Variants in FGGY observed in about 807,000 individuals in gnomAD.
FGGY encodes the protein FGGY carbohydrate kinase domain containing.
Under a neutral mutation model 71.3 loss-of-function variants are expected in FGGY, and 72 were observed. That is an observed-to-expected ratio of 1.01 (90% CI 0.84 to 1.23). The LOEUF (loss-of-function observed/expected upper bound fraction) is 1.23. Among genes scored for constraint, FGGY ranks in the 50% most tolerant of loss-of-function variants. The pLI, the probability that FGGY is intolerant of heterozygous loss-of-function variation, is 0.00. For missense variants in FGGY, 668 were observed against 682.3 expected (o/e 0.98, Z 0.23); for synonymous variants, 251 against 250.3 (o/e 1.00, Z -0.02).
chr1:59,609,417 A>G (rs2096653719), intron 9 of FGGY, among the ~76,000 whole-genome samples: 1 of 152,246 alleles, frequency 6.6e-6, no homozygotes, highest in South Asian at 2.1e-4. Context: ...CTGAGGACAC[A>G]TGGCCAGAGG....
chr1:59,701,243 G>A (rs924299219), intron 14 of FGGY, among the ~76,000 whole-genome samples: 8 of 152,146 alleles, frequency 5.3e-5, no homozygotes, highest in African/African-American at 1.9e-4. Flanking sequence ...ATGAACATAA[G>A]GCAGAAGTGG....
chr1:59,406,421 T>C (rs1332724967), intron 5 of FGGY, among the ~76,000 whole-genome samples: 3 of 152,126 alleles, frequency 2.0e-5, no homozygotes, highest in African/African-American at 7.2e-5. Context: ...CCCCAAGCAT[T>C]GTGCAAAAGT....
chr1:59,682,145 A>G (rs912597208), intron 14 of FGGY, among the ~76,000 whole-genome samples: 1 of 152,186 alleles, frequency 6.6e-6, no homozygotes, highest in Non-Finnish European at 1.5e-5. Flanking sequence ...ACAAATGAGG[A>G]AACAGGGTTA....
chr1:59,417,733 A>G (rs1271173799), intron 5 of FGGY, among the ~76,000 whole-genome samples: 1 of 152,184 alleles, frequency 6.6e-6, no homozygotes, highest in Non-Finnish European at 1.5e-5. Context: ...CCTATTTTCC[A>G]TTTGTATATA....
chr1:59,443,609 A>G (rs1038524130), intron 5 of FGGY, among the ~76,000 whole-genome samples: 1 of 152,244 alleles, frequency 6.6e-6, no homozygotes, highest in Non-Finnish European at 1.5e-5. Context: ...AGACTGAAGA[A>G]TGTTGGAAGA....
chr1:59,576,673 G>GACACAC lies in FGGY; in HGVS notation c.903+22449_903+22450insCACACA, dbSNP rs757918588. Among the ~76,000 whole-genome samples, 747 of 132,306 alleles carry GACACAC rather than the reference G, an allele frequency of 5.6e-3. 3 individuals are homozygous for GACACAC. Among genetic ancestry groups the GACACAC allele is most frequent in the Non-Finnish European group, 5.5e-3 (338 of 61,358 alleles). 86.8% of individuals were successfully genotyped at this position (132,306 alleles called of 152,430 possible). On this transcript the variant is annotated intron_variant, in intron 8 of 15. Transcript: ENST00000303721. ...GAGATTACAGACAGACAGACAGACA[G>GACACAC]ACAGACACACACACACACACACACA...
chr1:59,661,394 A>G (rs1439961884), intron 12 of FGGY, among the ~76,000 whole-genome samples: 6 of 152,224 alleles, frequency 3.9e-5, no homozygotes, highest in Non-Finnish European at 8.8e-5. Flanking sequence ...GTATGGAATC[A>G]GTCAACTTGA....
At chr1:59,698,648 C>A (rs2097684460) in intron 14 of FGGY, 1 of 616,684 alleles carries the variant, frequency 1.6e-6, no homozygotes, top group Non-Finnish European at 2.0e-6. Flanking sequence ...TTTTTTCTTG[C>A]TTCTGACCCA....
rs74086270 is a variant in FGGY at position 59,646,452 on chromosome 1, C to T, written c.1221+8077C>T. Among the ~76,000 whole-genome samples the T allele has an allele frequency of 3.5e-3, 534 of 150,668 alleles. 4 individuals are homozygous for T. The highest frequency in any genetic ancestry group is 0.012 in the African/African-American group (510 of 41,222). On this transcript the variant is annotated intron_variant, in intron 11 of 15. Coordinates refer to ENST00000303721, the MANE Select transcript of FGGY (RefSeq NM_018291.5). The stretch of plus-strand genomic sequence containing the variant: ...AAATTGGTGTTTTCCAAATTGGTCA[C>T]AAATTTTACTGAATATATATATATG...
At position 59,358,430 on chromosome 1, in the gene FGGY, T is replaced by C. The variant is rs1209900300; in HGVS notation, c.465+12032T>C. 4.6e-5 allele frequency among the ~76,000 whole-genome samples: 7 copies of C among 152,252 alleles called. No individual in the cohort carries two copies. In the East Asian group the frequency reaches 1.2e-3, roughly 25 times the overall value. On this transcript the variant is annotated intron_variant, in intron 4 of 15. Coordinates refer to ENST00000303721, the MANE Select transcript of FGGY (RefSeq NM_018291.5). ...AGGAGGAAGCCAAGCTCACCCTTTATCTCAAGGAATTCCCATATCTAGTAC... is the reference window on the plus strand; with the variant it reads ...AGGAGGAAGCCAAGCTCACCCTTTACCTCAAGGAATTCCCATATCTAGTAC...
At chr1:59,348,600 C>A (rs1057279794) in intron 4 of FGGY, among the ~76,000 whole-genome samples, 2 of 152,108 alleles carry the variant, frequency 1.3e-5, no homozygotes, top group African/African-American at 4.8e-5. Context: ...GATTCATTTA[C>A]TGGCTCTGAG....
chr1:59,631,815 G>A (rs938222963), intron 10 of FGGY, among the ~76,000 whole-genome samples: 4 of 152,178 alleles, frequency 2.6e-5, no homozygotes, highest in East Asian at 1.9e-4. Flanking sequence ...GGATGTGCCC[G>A]TACATGTAAC....
At chr1:59,415,523 A>G (rs1350326850) in intron 5 of FGGY, among the ~76,000 whole-genome samples, 1 of 152,206 alleles carries the variant, frequency 6.6e-6, no homozygotes, top group Non-Finnish European at 1.5e-5. Context: ...TTGACTATGG[A>G]CAGACTAGAG....
intron 2 of FGGY, among the ~76,000 whole-genome samples, chr1:59,324,181 C>G (rs571141130): frequency 6.6e-6 from 1 of 150,878 alleles, no homozygotes; most frequent in South Asian, 2.1e-4. Flanking sequence ...ATGACAAAGA[C>G]AGCTAACAGT....
At chr1:59,596,447 C>CT (rs796745491) in intron 8 of FGGY, among the ~76,000 whole-genome samples, 20 of 135,292 alleles carry the variant, frequency 1.5e-4, no homozygotes, top group South Asian at 2.4e-4. Context: ...TTATTTCAAT[C>CT]TTTTTTTTTT....
At chr1:59,406,754 C>A (rs1012385771) in intron 5 of FGGY, among the ~76,000 whole-genome samples, 2 of 152,208 alleles carry the variant, frequency 1.3e-5, no homozygotes, top group African/African-American at 4.8e-5. Context: ...AGCCATGTAT[C>A]TTTCTCCTTT....
chr1:59,466,392 C>A (rs1458050327), intron 6 of FGGY, among the ~76,000 whole-genome samples: 1 of 151,954 alleles, frequency 6.6e-6, no homozygotes, highest in Non-Finnish European at 1.5e-5. Flanking sequence ...GACCTAAAAC[C>A]ATAAAAACCC....
intron 7 of FGGY, among the ~76,000 whole-genome samples, chr1:59,530,350 T>G (rs1166554318): frequency 6.6e-6 from 1 of 152,204 alleles, no homozygotes; most frequent in Non-Finnish European, 1.5e-5. Flanking sequence ...TCTCCTAGCT[T>G]CAACCAACAG....
intron 7 of FGGY, among the ~76,000 whole-genome samples, chr1:59,551,044 C>A (rs2095600513): frequency 6.6e-6 from 1 of 152,122 alleles, no homozygotes; most frequent in Admixed American, 6.5e-5. Flanking sequence ...GATATGTTTA[C>A]TAGAAAGGAA....
Sources: allele counts gnomAD v4.1 joint callset (sites outside exome capture counted in the v4.1 genomes callset), GRCh38; gene constraint gnomAD v4.1.1; transcripts MANE v1.5; gene names NCBI Gene and HGNC (gene_info 2026-07-23, HGNC 2026-07-21).